CAST: variants seen among roughly 807,000 people sequenced by gnomAD.
CAST encodes MIR583 host.
CAST carries 76 observed loss-of-function variants against 119.6 expected under a neutral mutation model. That is an observed-to-expected ratio of 0.64 (90% CI 0.53 to 0.77). The LOEUF (loss-of-function observed/expected upper bound fraction) is 0.77. Among genes scored for constraint, CAST ranks in the 30% least tolerant of loss-of-function variants. CAST has a pLI of 0.00. For synonymous variants in CAST, 319 were observed against 331.6 expected (o/e 0.96, Z 0.41); for missense variants, 953 against 946.5 (o/e 1.01, Z -0.09).
At chr5:96,274,170 T>C in the CAST span, among the ~76,000 whole-genome samples, 4 of 151,896 alleles carry the variant, frequency 2.6e-5, no homozygotes, top group Non-Finnish European at 5.9e-5. Flanking sequence ...GGCGTGATCT[T>C]GGCTCATTGC....
chr5:96,732,675 G>A (rs1262253247), intron 9 of CAST, among the ~76,000 whole-genome samples: 1 of 152,146 alleles, frequency 6.6e-6, no homozygotes, highest in Non-Finnish European at 1.5e-5. Context: ...AGAAAAACAA[G>A]CAATGGGGAA....
the CAST span, among the ~76,000 whole-genome samples, chr5:96,022,052 A>T: frequency 6.6e-6 from 1 of 152,188 alleles, no homozygotes; most frequent in African/African-American, 2.4e-5. Flanking sequence ...TTTACATAGC[A>T]TTTACATTGT....
chr5:96,221,674 CTG>C, the CAST span, among the ~76,000 whole-genome samples: 1 of 152,086 alleles, frequency 6.6e-6, no homozygotes, highest in Non-Finnish European at 1.5e-5. Context: ...ATTAAAATGA[CTG>C]TGCTGCTCAA....
chr5:96,560,059 A>G (rs940147252), intron 1 of CAST, among the ~76,000 whole-genome samples: 2 of 152,206 alleles, frequency 1.3e-5, no homozygotes, highest in Non-Finnish European at 1.5e-5. Context: ...CCACATATCT[A>G]CAACTATCTG....
the CAST span, among the ~76,000 whole-genome samples, chr5:96,211,630 G>C: frequency 6.6e-6 from 1 of 151,766 alleles, no homozygotes; most frequent in Non-Finnish European, 1.5e-5. Context: ...CTATGATTTT[G>C]ATATCAGGGT....
chr5:96,418,160 A>G, the CAST span, among the ~76,000 whole-genome samples: 1 of 152,342 alleles, frequency 6.6e-6, no homozygotes, highest in East Asian at 1.9e-4. Flanking sequence ...ATGCATTGAC[A>G]TGTTTTCCTC....
chr5:96,587,010 C>A (rs758604868), intron 1 of CAST, among the ~76,000 whole-genome samples: 6 of 152,114 alleles, frequency 3.9e-5, no homozygotes, highest in Admixed American at 1.3e-4. Flanking sequence ...ACCTTCAAAC[C>A]GAGATTTATT....
the CAST span, among the ~76,000 whole-genome samples, chr5:96,086,080 G>T: frequency 6.6e-6 from 1 of 152,022 alleles, no homozygotes; most frequent in Non-Finnish European, 1.5e-5. Flanking sequence ...GTACATTTTT[G>T]CTGTATATTT....
chr5:95,997,555 T>G, the CAST span, among the ~76,000 whole-genome samples: 1 of 152,114 alleles, frequency 6.6e-6, no homozygotes, highest in Non-Finnish European at 1.5e-5. Flanking sequence ...GAACATGATT[T>G]GGCAAGAGAA....
chr5:96,471,680 A>C, the CAST span, among the ~76,000 whole-genome samples: 1 of 152,022 alleles, frequency 6.6e-6, no homozygotes. Context: ...TCTTATTTCA[A>C]ACAAAAACAA....
the CAST span, among the ~76,000 whole-genome samples, chr5:96,025,795 G>C: frequency 6.6e-6 from 1 of 152,218 alleles, no homozygotes; most frequent in Non-Finnish European, 1.5e-5. Flanking sequence ...ATCTAAATAA[G>C]AGTTAAGTAG....
the CAST span, among the ~76,000 whole-genome samples, chr5:96,117,947 A>C: frequency 1.3e-5 from 2 of 152,316 alleles, no homozygotes; most frequent in South Asian, 4.1e-4. Flanking sequence ...AAATGCCTAC[A>C]AAAAGTTCTC....
intron 1 of CAST, chr5:96,584,436 GAT>G (rs1561422942): frequency 1.3e-5 from 2 of 152,224 alleles, no homozygotes; most frequent in Non-Finnish European, 2.9e-5. Flanking sequence ...TCACTCCTCT[GAT>G]ATTTGTTTTG....
the CAST span, among the ~76,000 whole-genome samples, chr5:96,507,926 C>T: frequency 6.6e-6 from 1 of 151,938 alleles, no homozygotes; most frequent in Non-Finnish European, 1.5e-5. Flanking sequence ...ATTCTCAAAA[C>T]TTTGTTTCTA....
chr5:96,322,247 T>A, the CAST span, among the ~76,000 whole-genome samples: 5 of 152,140 alleles, frequency 3.3e-5, no homozygotes, highest in Admixed American at 3.3e-4. Flanking sequence ...TTCAGCTACA[T>A]TTTGGGAGGC....
chr5:96,350,369 A>AT, the CAST span, among the ~76,000 whole-genome samples: 1 of 152,236 alleles, frequency 6.6e-6, no homozygotes, highest in East Asian at 1.9e-4. Context: ...ATAAATCTGC[A>AT]TTTTACATCA....
At chr5:96,486,706 G>GGC in the CAST span, among the ~76,000 whole-genome samples, 1 of 45,190 alleles carries the variant, frequency 2.2e-5, no homozygotes, top group African/African-American at 1.5e-4. Flanking sequence ...CTTTTGTGTT[G>GGC]GGGGGGCAGA....
the CAST span, among the ~76,000 whole-genome samples, chr5:96,146,983 CT>C: frequency 6.6e-6 from 1 of 152,182 alleles, no homozygotes; most frequent in African/African-American, 2.4e-5. Context: ...TGACCTCAAT[CT>C]TAAGTGCAAA....
chr5:96,289,458 T>C, the CAST span, among the ~76,000 whole-genome samples: 2 of 152,166 alleles, frequency 1.3e-5, no homozygotes, highest in South Asian at 2.1e-4. Flanking sequence ...AATACTGTTC[T>C]CGTGGTAGTG....
Sources: allele counts gnomAD v4.1 joint callset (sites outside exome capture counted in the v4.1 genomes callset), GRCh38; gene constraint gnomAD v4.1.1; transcripts MANE v1.5; gene names NCBI Gene and HGNC (gene_info 2026-07-23, HGNC 2026-07-21).